VPS45: variants seen among roughly 807,000 people sequenced by gnomAD.
The protein encoded by VPS45 is vacuolar protein sorting 45 homolog, also known as vacuolar protein sorting-associated protein 45.
A neutral mutation model predicts 75.9 loss-of-function variants in VPS45; 35 were observed. The observed-to-expected ratio is 0.46, with a 90% CI of 0.35 to 0.61. VPS45 has a LOEUF of 0.61. Ranked by LOEUF, VPS45 falls within the 20% of genes least tolerant of loss-of-function variation. The pLI, the probability that VPS45 is intolerant of heterozygous loss-of-function variation, is 0.00. For synonymous variants in VPS45, 220 were observed against 238.2 expected (o/e 0.92, Z 0.70); for missense variants, 559 against 685.9 (o/e 0.81, Z 2.07).
intron 1 of VPS45, 53 bp downstream of exon 1, chr1:150,068,003 T>C (rs1654822609): frequency 5.2e-6 from 8 of 1,525,346 alleles, no homozygotes; most frequent in Non-Finnish European, 7.3e-6. Context: ...ACCTTACAAT[T>C]GCTCGTCCCA....
At chr1:150,095,385 G>A (rs587629654) in intron 13 of VPS45, among the ~76,000 whole-genome samples, 14 of 152,246 alleles carry the variant, frequency 9.2e-5, no homozygotes, top group Admixed American at 2.6e-4. Flanking sequence ...CGGCCAAAGC[G>A]GGAGGATCAC....
At chr1:150,088,294 T>C (rs1553801146) in intron 10 of VPS45, among the ~76,000 whole-genome samples, 1 of 151,980 alleles carries the variant, frequency 6.6e-6, no homozygotes, top group Non-Finnish European at 1.5e-5. Flanking sequence ...TGAGAACAAC[T>C]TTTTAGATTC....
chr1:150,128,984 G>GCCCACCTCAGACTCCCAA (rs1553119794), intron 14 of VPS45, among the ~76,000 whole-genome samples: 39,668 of 151,888 alleles, frequency 0.26, 7,820 homozygotes, highest in African/African-American at 0.56. Context: ...CTCGTGATCT[G>GCCCACCTCAGACTCCCAA]AGTGCTGGGA....
chr1:150,123,006 C>CATTTTCATTG, intron 14 of VPS45, among the ~76,000 whole-genome samples: 1 of 89,580 alleles, frequency 1.1e-5, no homozygotes, highest in Non-Finnish European at 2.4e-5. Flanking sequence ...AAAAAAAAAG[C>CATTTTCATTG]ATTTTCATTG....
chr1:150,126,280 G>A (rs974518719), intron 14 of VPS45, among the ~76,000 whole-genome samples: 1 of 151,590 alleles, frequency 6.6e-6, no homozygotes, highest in Admixed American at 6.6e-5. Flanking sequence ...GTGCCATCTC[G>A]GCTCACTGCA....
intron 14 of VPS45, chr1:150,142,993 A>G (rs1659477035): frequency 3.0e-6 from 1 of 332,056 alleles, no homozygotes; most frequent in Admixed American, 3.7e-5. Flanking sequence ...TGTCTTGCCA[A>G]TGGGTAGCTA....
chr1:150,091,081 C>T (rs1171033133), intron 10 of VPS45, among the ~76,000 whole-genome samples: 1 of 152,200 alleles, frequency 6.6e-6, no homozygotes, highest in East Asian at 1.9e-4. Flanking sequence ...GACACCATTT[C>T]CATATTTATC....
intron 9 of VPS45, 129 bp downstream of exon 9, chr1:150,082,126 C>T (rs1655747734): frequency 1.6e-6 from 1 of 624,554 alleles, no homozygotes; most frequent in Admixed American, 3.0e-5. Flanking sequence ...GACTTATTTT[C>T]TGTAATGTCT....
chr1:150,096,133 A>G (rs911543121), intron 13 of VPS45, among the ~76,000 whole-genome samples: 1 of 152,200 alleles, frequency 6.6e-6, no homozygotes, highest in Non-Finnish European at 1.5e-5. Flanking sequence ...TTTGTTGTTC[A>G]GTTGGAGATG....
At chr1:150,143,436 A>G (rs1553815816) in intron 14 of VPS45, among the ~76,000 whole-genome samples, 1 of 152,086 alleles carries the variant, frequency 6.6e-6, no homozygotes, top group Non-Finnish European at 1.5e-5. Flanking sequence ...TAAAACTACA[A>G]AAATTAGCCA....
At chr1:150,113,887 T>C (rs1460045310) in intron 14 of VPS45, among the ~76,000 whole-genome samples, 1 of 151,618 alleles carries the variant, frequency 6.6e-6, no homozygotes, top group Non-Finnish European at 1.5e-5. Context: ...AGAGAGAGAC[T>C]CTGTCTCAAA....
chr1:150,073,433 C>T (rs1655189109), intron 3 of VPS45, among the ~76,000 whole-genome samples: 1 of 151,974 alleles, frequency 6.6e-6, no homozygotes, highest in South Asian at 2.1e-4. Context: ...TTATTTCATT[C>T]AGTTCTGTGT....
chr1:150,116,642 G>A (rs782392538), intron 14 of VPS45, among the ~76,000 whole-genome samples: 1 of 152,118 alleles, frequency 6.6e-6, no homozygotes, highest in Non-Finnish European at 1.5e-5. Flanking sequence ...ATAATTTAGG[G>A]TGCAGAAGGT....
At chr1:150,068,905 A>G (rs1553796429) in intron 2 of VPS45, 141 bp downstream of exon 2, 3 of 907,136 alleles carry the variant, frequency 3.3e-6, no homozygotes, top group Non-Finnish European at 4.6e-6. Context: ...TATAACCTTC[A>G]TTTTTCTTGT....
intron 13 of VPS45, among the ~76,000 whole-genome samples, chr1:150,102,034 C>T (rs111397987): frequency 0.11 from 15,996 of 150,726 alleles, 1,188 homozygotes; most frequent in Non-Finnish European, 0.17. Flanking sequence ...GTCAGTAGTT[C>T]GAGACCAGCC....
intron 14 of VPS45, among the ~76,000 whole-genome samples, chr1:150,126,760 G>C (rs1448247825): frequency 6.6e-6 from 1 of 152,078 alleles, no homozygotes; most frequent in East Asian, 1.9e-4. Flanking sequence ...GAGGCCAGGG[G>C]TTCAAGAACA....
At chr1:150,073,636 G>A (rs184929253) in intron 3 of VPS45, among the ~76,000 whole-genome samples, 9 of 151,766 alleles carry the variant, frequency 5.9e-5, no homozygotes, top group Admixed American at 5.2e-4. Flanking sequence ...GTAGATTCAT[G>A]TGCAGTTAAA....
chr1:150,104,977 T>C (rs1657239620), intron 13 of VPS45, among the ~76,000 whole-genome samples: 1 of 152,230 alleles, frequency 6.6e-6, no homozygotes, highest in South Asian at 2.1e-4. Context: ...TGTGGCTTAA[T>C]TGCTAGTTCT....
chr1:150,082,808 T>C lies in VPS45; in HGVS notation c.1029T>C (p.Ser343=), dbSNP rs782523550. The change falls in exon 10 of 15, where the codon AGT becomes AGC. Residue 343 remains serine, a synonymous_variant. Transcript: ENST00000644510. ...TTGGAGAACTGTCTCGATTGGTCAG[T>C]GAACGGAATCTGCTGGAGGTTTCAG... is the stretch of plus-strand genomic sequence containing the variant. ...TVVGELSRLV[S]ERNLLEVSEV... 6.2e-7 allele frequency: 1 copy of C among 1,614,178 alleles called. No individual in the cohort carries two copies. Among genetic ancestry groups the C allele is most frequent in the South Asian group, 1.1e-5 (1 of 91,090 alleles).
Sources: gnomAD v4.1 joint callset for allele counts (sites outside exome capture counted in the v4.1 genomes callset) on GRCh38, gnomAD v4.1.1 for gene constraint, MANE v1.5 for transcripts, NCBI Gene and HGNC (gene_info 2026-07-23, HGNC 2026-07-21) for gene names.